Variants in RNF13 observed in about 807,000 individuals in gnomAD.
RNF13 encodes the protein E3 ubiquitin-protein ligase RNF13.
Under a neutral mutation model 37.7 loss-of-function variants are expected in RNF13, and 19 were observed. That is an observed-to-expected ratio of 0.50 (90% CI 0.35 to 0.74). RNF13 has a LOEUF of 0.74. Ranked by LOEUF, RNF13 falls within the 30% of genes least tolerant of loss-of-function variation. The pLI is 0.01. For missense variants in RNF13, 375 were observed against 453.0 expected (o/e 0.83, Z 1.56); for synonymous variants, 144 against 157.8 (o/e 0.91, Z 0.65).
At chr3:149,846,229 T>A (rs982384968) in intron 2 of RNF13, 89 bp downstream of exon 2, 3 of 801,002 alleles carry the variant, frequency 3.7e-6, no homozygotes, top group Non-Finnish European at 6.1e-6. Flanking sequence ...AAGACATTGT[T>A]ATAAGACATT....
chr3:149,854,771 C>A (rs146343062), intron 3 of RNF13, among the ~76,000 whole-genome samples: 6 of 152,264 alleles, frequency 3.9e-5, no homozygotes, highest in Non-Finnish European at 8.8e-5. Flanking sequence ...GAAGAGATAC[C>A]CTTTTTCAGA....
chr3:149,908,138 T>C (rs754937529), intron 6 of RNF13, among the ~76,000 whole-genome samples: 3 of 152,224 alleles, frequency 2.0e-5, no homozygotes, highest in Non-Finnish European at 4.4e-5. Flanking sequence ...ATTTTGGTCT[T>C]TTAAAAACTT....
At chr3:149,939,310 C>T in intron 8 of RNF13, 1 of 461,628 alleles carries the variant, frequency 2.2e-6, no homozygotes, top group Non-Finnish European at 4.2e-6. Context: ...TTTTCATCAT[C>T]ATCTTCTGCA....
intron 8 of RNF13, chr3:149,939,659 C>A: frequency 1.4e-6 from 1 of 707,862 alleles, no homozygotes; most frequent in Non-Finnish European, 2.5e-6. Flanking sequence ...CCTGAAATCA[C>A]CGTTCTTAAA....
chr3:149,950,951 T>C (rs1348799706), intron 8 of RNF13, among the ~76,000 whole-genome samples: 1 of 152,140 alleles, frequency 6.6e-6, no homozygotes, highest in African/African-American at 2.4e-5. Flanking sequence ...TTTCCCCAGG[T>C]CAGTTAGATT....
chr3:149,934,687 C>T (rs1719503338), intron 8 of RNF13, among the ~76,000 whole-genome samples: 1 of 150,752 alleles, frequency 6.6e-6, no homozygotes, highest in African/African-American at 2.4e-5. Flanking sequence ...CAGTGTCTCA[C>T]TCTTTGGCTC....
intron 4 of RNF13, among the ~76,000 whole-genome samples, chr3:149,879,971 C>T (rs1177003188): frequency 6.6e-6 from 1 of 152,150 alleles, no homozygotes; most frequent in East Asian, 1.9e-4. Flanking sequence ...GGGAGTAGAG[C>T]TTATGTTTTA....
intron 8 of RNF13, among the ~76,000 whole-genome samples, chr3:149,953,112 G>A (rs1474684642): frequency 1.3e-5 from 2 of 150,594 alleles, no homozygotes; most frequent in Non-Finnish European, 2.9e-5. Context: ...GGGAAAAGTT[G>A]GATTTTTTTT....
At chr3:149,883,944 A>G (rs1023459682) in intron 4 of RNF13, among the ~76,000 whole-genome samples, 5 of 152,258 alleles carry the variant, frequency 3.3e-5, no homozygotes, top group African/African-American at 1.2e-4. Context: ...AAGTGAGAAC[A>G]CGTGGTGTTT....
At chr3:149,895,192 A>G in intron 4 of RNF13, 2 of 269,382 alleles carry the variant, frequency 7.4e-6, no homozygotes, top group Non-Finnish European at 1.4e-5. Flanking sequence ...TTCAGAGGTT[A>G]GGAAACTGAG....
intron 1 of RNF13, among the ~76,000 whole-genome samples, chr3:149,828,367 G>A (rs976331528): frequency 6.6e-6 from 1 of 152,186 alleles, no homozygotes; most frequent in Admixed American, 6.5e-5. Flanking sequence ...TACAGTGATG[G>A]TGACATTTAT....
chr3:149,916,647 T>C (rs1037935614), intron 7 of RNF13, among the ~76,000 whole-genome samples: 8 of 152,152 alleles, frequency 5.3e-5, no homozygotes, highest in South Asian at 2.1e-4. Flanking sequence ...TCCCTTGGGG[T>C]TTCAGCATAG....
chr3:149,913,429 ATTG>A (rs1157953182), intron 7 of RNF13, among the ~76,000 whole-genome samples: 1 of 152,180 alleles, frequency 6.6e-6, no homozygotes, highest in African/African-American at 2.4e-5. Flanking sequence ...ACTTTCCCGC[ATTG>A]TTAACATTTT....
At chr3:149,931,159 G>A (rs891838143) in intron 8 of RNF13, among the ~76,000 whole-genome samples, 1 of 152,046 alleles carries the variant, frequency 6.6e-6, no homozygotes, top group Non-Finnish European at 1.5e-5. Context: ...GACTTCCCAG[G>A]CTCAACCAAC....
At chr3:149,934,829 G>A (rs1399812482) in intron 8 of RNF13, among the ~76,000 whole-genome samples, 1 of 151,922 alleles carries the variant, frequency 6.6e-6, no homozygotes, top group Non-Finnish European at 1.5e-5. Context: ...GTTGCCCAAG[G>A]CTGGTCTCAA....
At chr3:149,859,350 C>G (rs1009607648) in intron 3 of RNF13, among the ~76,000 whole-genome samples, 1 of 152,158 alleles carries the variant, frequency 6.6e-6, no homozygotes, top group African/African-American at 2.4e-5. Context: ...TTTTGAGCTT[C>G]TAAAATAAAC....
chr3:149,833,968 T>A (rs962241597), intron 1 of RNF13, among the ~76,000 whole-genome samples: 3 of 152,130 alleles, frequency 2.0e-5, no homozygotes, highest in African/African-American at 7.2e-5. Flanking sequence ...TGCATTCCTA[T>A]AAAGTAACAG....
chr3:149,838,264 T>C (rs1333945215), intron 1 of RNF13, among the ~76,000 whole-genome samples: 1 of 152,192 alleles, frequency 6.6e-6, no homozygotes, highest in African/African-American at 2.4e-5. Flanking sequence ...AAGTTGTTGG[T>C]GGATCTACTA....
At chr3:149,833,118 C>CTTTTTTTTT (rs34729566) in intron 1 of RNF13, among the ~76,000 whole-genome samples, 2 of 111,904 alleles carry the variant, frequency 1.8e-5, no homozygotes, top group African/African-American at 3.4e-5. Flanking sequence ...CTCTCTCTCT[C>CTTTTTTTTT]TTTTTTTTTT....
Sources: gnomAD v4.1 joint callset for allele counts (sites outside exome capture counted in the v4.1 genomes callset) on GRCh38, gnomAD v4.1.1 for gene constraint, MANE v1.5 for transcripts, NCBI Gene and HGNC (gene_info 2026-07-23, HGNC 2026-07-21) for gene names.